Variants in RGPD6 observed in about 807,000 individuals in gnomAD.
RGPD6 encodes the protein RANBP2-like and GRIP domain-containing protein 5/6.
the RGPD6 span, among the ~76,000 whole-genome samples, chr2:110,596,971 ATG>A: frequency 2.7e-4 from 5 of 18,462 alleles, no homozygotes; most frequent in Non-Finnish European, 9.3e-4. Flanking sequence ...AATATATATT[ATG>A]TATATATATA....
chr2:110,606,925 A>G, the RGPD6 span, among the ~76,000 whole-genome samples: 1 of 151,722 alleles, frequency 6.6e-6, no homozygotes, highest in African/African-American at 2.4e-5. Flanking sequence ...TCTTGTCTTA[A>G]TTTCCTCACT....
the RGPD6 span, among the ~76,000 whole-genome samples, chr2:110,589,350 C>A: frequency 6.7e-6 from 1 of 149,068 alleles, no homozygotes; most frequent in South Asian, 2.2e-4. Flanking sequence ...AACTCCGTCT[C>A]AAAAAAAGGA....
the RGPD6 span, among the ~76,000 whole-genome samples, chr2:110,608,796 GTTTT>G: frequency 1.0e-5 from 1 of 99,608 alleles, no homozygotes; most frequent in Non-Finnish European, 2.0e-5. Flanking sequence ...GTAAGTTTTT[GTTTT>G]TTTAAAAGTA....
At chr2:110,610,829 C>T in the RGPD6 span, 4 of 1,010,060 alleles carry the variant, frequency 4.0e-6, no homozygotes, top group African/African-American at 1.9e-5. Context: ...CGCCGAAGCT[C>T]GGGCCGCCCG....
chr2:110,591,839 C>T, the RGPD6 span, among the ~76,000 whole-genome samples: 1 of 148,252 alleles, frequency 6.7e-6, no homozygotes, highest in South Asian at 2.1e-4. Context: ...GTCCCTACCC[C>T]AGGCACTCTG....
chr2:110,606,871 T>C, the RGPD6 span, among the ~76,000 whole-genome samples: 4 of 151,812 alleles, frequency 2.6e-5, no homozygotes, highest in East Asian at 7.7e-4. Flanking sequence ...ATATGGTCTC[T>C]TTTCTGAATC....
the RGPD6 span, among the ~76,000 whole-genome samples, chr2:110,600,097 G>A: frequency 1.1e-4 from 16 of 151,642 alleles, no homozygotes; most frequent in African/African-American, 2.9e-4. Context: ...GCCGCCGCAC[G>A]TGATGATCAC....
the RGPD6 span, among the ~76,000 whole-genome samples, chr2:110,591,541 C>T: frequency 1.4e-5 from 2 of 148,080 alleles, no homozygotes; most frequent in Non-Finnish European, 2.9e-5. Flanking sequence ...CTCCTACAGC[C>T]CCTTGCTGTC....
the RGPD6 span, among the ~76,000 whole-genome samples, chr2:110,591,679 T>A: frequency 6.6e-6 from 1 of 151,974 alleles, no homozygotes; most frequent in Non-Finnish European, 1.5e-5. Context: ...TACCTCCCCT[T>A]TATGCAACAT....
the RGPD6 span, among the ~76,000 whole-genome samples, chr2:110,591,694 T>C: frequency 6.6e-6 from 1 of 151,956 alleles, no homozygotes; most frequent in East Asian, 1.9e-4. Context: ...CAACATCATT[T>C]CCTCCCTGAG....
chr2:110,600,957 G>A, the RGPD6 span, among the ~76,000 whole-genome samples: 1 of 151,534 alleles, frequency 6.6e-6, no homozygotes, highest in Admixed American at 6.6e-5. Context: ...CAGAAGAGGG[G>A]CCTGGCAGGA....
At chr2:110,610,879 C>A in the RGPD6 span, 2 of 863,918 alleles carry the variant, frequency 2.3e-6, no homozygotes, top group Non-Finnish European at 2.8e-6. Flanking sequence ...TGCATCCCAG[C>A]CGCGCCAGAG....
the RGPD6 span, among the ~76,000 whole-genome samples, chr2:110,597,069 C>A: frequency 1.3e-5 from 1 of 76,036 alleles, no homozygotes; most frequent in African/African-American, 5.7e-5. Flanking sequence ...ACCTCTGCCT[C>A]CCAGGTTCAA....
the RGPD6 span, among the ~76,000 whole-genome samples, chr2:110,607,213 G>C: frequency 0.023 from 3,523 of 150,802 alleles, 91 homozygotes; most frequent in Non-Finnish European, 0.033. Flanking sequence ...TGCTGCCCCT[G>C]TAAACTCACG....
the RGPD6 span, among the ~76,000 whole-genome samples, chr2:110,600,919 G>A: frequency 7.4e-5 from 11 of 147,674 alleles, no homozygotes; most frequent in Admixed American, 2.0e-4. Flanking sequence ...TCCACAGCCC[G>A]GGGGCTGGGG....
chr2:110,599,749 GGAAAA>G, the RGPD6 span, among the ~76,000 whole-genome samples: 3 of 60,316 alleles, frequency 5.0e-5, no homozygotes, highest in Admixed American at 5.0e-4. Context: ...ATAAAAGTAA[GGAAAA>G]GAAATCAATT....
At chr2:110,593,066 T>C in the RGPD6 span, among the ~76,000 whole-genome samples, 1 of 148,146 alleles carries the variant, frequency 6.8e-6, no homozygotes, top group African/African-American at 2.6e-5. Context: ...CTAAGATTTA[T>C]ACGGAGAAAC....
chr2:110,591,963 G>A, the RGPD6 span, among the ~76,000 whole-genome samples: 1 of 144,318 alleles, frequency 6.9e-6, no homozygotes, highest in Non-Finnish European at 1.5e-5. Flanking sequence ...AGGGAGGTGG[G>A]CTGGAAAGAT....
At chr2:110,597,039 C>T in the RGPD6 span, among the ~76,000 whole-genome samples, 3 of 98,674 alleles carry the variant, frequency 3.0e-5, no homozygotes, top group African/African-American at 8.8e-5. Flanking sequence ...AATGCAATGG[C>T]GCAATCTAGG....
Sources: gnomAD v4.1 joint callset for allele counts (sites outside exome capture counted in the v4.1 genomes callset) on GRCh38, gnomAD v4.1.1 for gene constraint, MANE v1.5 for transcripts, NCBI Gene and HGNC (gene_info 2026-07-23, HGNC 2026-07-21) for gene names.